Variants in REEP1 observed in about 807,000 individuals in gnomAD.
REEP1 encodes the protein receptor expression-enhancing protein 1.
REEP1 carries 22 observed loss-of-function variants against 40.3 expected under a neutral mutation model. The observed-to-expected ratio is 0.55, with a 90% CI of 0.39 to 0.78. REEP1 has a LOEUF of 0.78. Ranked by LOEUF, REEP1 falls within the 30% of genes least tolerant of loss-of-function variation. REEP1 has a pLI of 0.00. For synonymous variants in REEP1, 116 were observed against 139.2 expected, an observed-to-expected ratio of 0.83 and a Z score of 1.17; for missense variants, 280 against 361.1, an observed-to-expected ratio of 0.78 and a Z score of 1.82.
At chr2:86,293,290 C>T (rs971023768) in intron 1 of REEP1, among the ~76,000 whole-genome samples, 3 of 152,190 alleles carry the variant, frequency 2.0e-5, no homozygotes, top group Non-Finnish European at 4.4e-5. Context: ...GAAGTCACAA[C>T]ATGGCCGGGG....
At chr2:86,298,546 A>T (rs1679104165) in intron 1 of REEP1, among the ~76,000 whole-genome samples, 1 of 152,162 alleles carries the variant, frequency 6.6e-6, no homozygotes, top group African/African-American at 2.4e-5. Context: ...TCCACAGCTC[A>T]AGCATTGTTT....
chr2:86,308,039 G>C (rs1017011436), intron 1 of REEP1, among the ~76,000 whole-genome samples: 1 of 152,160 alleles, frequency 6.6e-6, no homozygotes, highest in African/African-American at 2.4e-5. Flanking sequence ...GGGGTTGTCA[G>C]GCATTCCCTA....
intron 1 of REEP1, among the ~76,000 whole-genome samples, chr2:86,336,262 C>T (rs897091938): frequency 9.2e-5 from 14 of 152,170 alleles, no homozygotes; most frequent in African/African-American, 3.1e-4. Context: ...GAGGCCTTCA[C>T]GGAATGACTT....
At chr2:86,277,586 T>C (rs1677837355) in intron 2 of REEP1, among the ~76,000 whole-genome samples, 1 of 150,546 alleles carries the variant, frequency 6.6e-6, no homozygotes, top group Admixed American at 6.6e-5. Flanking sequence ...AATGGGTCAT[T>C]ACTACAGCCC....
chr2:86,331,829 A>G (rs1680779858), intron 1 of REEP1, among the ~76,000 whole-genome samples: 1 of 152,134 alleles, frequency 6.6e-6, no homozygotes, highest in South Asian at 2.1e-4. Context: ...GAACCAACCC[A>G]TGTGCCCCAT....
chr2:86,318,565 T>C (rs998602073), intron 1 of REEP1, among the ~76,000 whole-genome samples: 2 of 151,866 alleles, frequency 1.3e-5, no homozygotes, highest in Non-Finnish European at 2.9e-5. Context: ...TCCCGGCTAA[T>C]TTTTGTATTT....
intron 6 of REEP1, among the ~76,000 whole-genome samples, chr2:86,227,846 T>G (rs1483811455): frequency 9.2e-6 from 1 of 108,410 alleles, no homozygotes; most frequent in East Asian, 3.4e-4. Context: ...GCCATTGGTC[T>G]TGGTGCACAT....
chr2:86,314,597 AAGCCAC>A lies in REEP1; in HGVS notation c.32+22876_32+22881del, dbSNP rs899575413. Among the ~76,000 whole-genome samples the A allele has an allele frequency of 1.7e-4, 26 of 151,728 alleles. No homozygotes were observed. The East Asian group carries it at 5.1e-3, about 30-fold the overall frequency. ...TACTCTCTTAGGTCTGGGCAGGTAG[AAGCCAC>A]AGGAACGGACCAGCCAATTCTGCAC... On this transcript the variant is annotated intron_variant, in intron 1 of 8. Coordinates refer to ENST00000538924, the MANE Select transcript of REEP1 (RefSeq NM_001371279.1).
intron 6 of REEP1, among the ~76,000 whole-genome samples, chr2:86,231,234 G>A (rs982357811): frequency 6.6e-6 from 1 of 151,810 alleles, no homozygotes; most frequent in East Asian, 1.9e-4. Context: ...TCCATTCCTG[G>A]GGGGGGGTCC....
chr2:86,227,033 A>G (rs1415092615), intron 7 of REEP1, among the ~76,000 whole-genome samples: 1 of 152,162 alleles, frequency 6.6e-6, no homozygotes, highest in Non-Finnish European at 1.5e-5. Context: ...GCAGCCTTGG[A>G]GAGGCCCAGC....
intron 1 of REEP1, among the ~76,000 whole-genome samples, chr2:86,317,179 A>G (rs1028923164): frequency 6.6e-6 from 1 of 152,186 alleles, no homozygotes; most frequent in Non-Finnish European, 1.5e-5. Flanking sequence ...CTCTTCAATA[A>G]ATCGGGGCAA....
intron 2 of REEP1, among the ~76,000 whole-genome samples, chr2:86,266,383 G>T (rs1185742316): frequency 1.3e-5 from 2 of 152,152 alleles, no homozygotes; most frequent in African/African-American, 4.8e-5. Context: ...ACTTTGGGAG[G>T]CCGAGGCGGG....
intron 7 of REEP1, among the ~76,000 whole-genome samples, chr2:86,220,519 T>C (rs186205483): frequency 2.0e-5 from 3 of 152,280 alleles, no homozygotes; most frequent in East Asian, 1.9e-4. Flanking sequence ...GAATCTCCTC[T>C]AGAGAGGATG....
chr2:86,214,342 A>G lies in REEP1; in HGVS notation c.*2697T>C, dbSNP rs1334591480. The G allele has an allele frequency of 6.5e-6, 1 of 152,714 alleles. No individual in the cohort carries two copies. Among genetic ancestry groups the G allele is most frequent in the Non-Finnish European group, 1.5e-5 (1 of 68,066 alleles). 9.5% of individuals were successfully genotyped at this position (152,714 alleles called of 1,614,324 possible). ...ACATGGATAGCTTATCACGGAGAAC[A>G]CATTTCAAAGGCCAGCAAAGTGAGC... On this transcript the variant is annotated 3_prime_UTR_variant, in exon 9 of 9. Transcript: ENST00000538924.
intron 1 of REEP1, among the ~76,000 whole-genome samples, chr2:86,308,524 C>G (rs764960780): frequency 6.6e-6 from 1 of 152,234 alleles, no homozygotes; most frequent in Non-Finnish European, 1.5e-5. Flanking sequence ...CACTGCACTC[C>G]AGCCTGGGCA....
chr2:86,337,778 C>A, upstream of REEP1: 1 of 805,792 alleles, frequency 1.2e-6, no homozygotes, highest in East Asian at 4.7e-5. The surrounding 1 kb of genome is among the most constrained non-coding windows in gnomAD (Gnocchi z 5.8). Context: ...CCCGCCCCGT[C>A]CCGCTCGCCC....
intron 5 of REEP1, 183 bp downstream of exon 5, chr2:86,251,774 G>A (rs1356281854): frequency 3.0e-6 from 2 of 663,840 alleles, no homozygotes; most frequent in Non-Finnish European, 5.5e-6. Flanking sequence ...CATGTGTGTT[G>A]GGGGGTGAGA....
chr2:86,297,514 A>C (rs1679042436), intron 1 of REEP1, among the ~76,000 whole-genome samples: 2 of 152,376 alleles, frequency 1.3e-5, no homozygotes, highest in Non-Finnish European at 1.5e-5. Flanking sequence ...CATAGGAGCC[A>C]TCATGGGAGT....
intron 2 of REEP1, among the ~76,000 whole-genome samples, chr2:86,271,414 C>T (rs950090299): frequency 3.3e-5 from 5 of 150,496 alleles, no homozygotes; most frequent in Admixed American, 2.0e-4. Flanking sequence ...ACATTACACA[C>T]AAGAGAATGA....
Sources: allele counts gnomAD v4.1 joint callset (sites outside exome capture counted in the v4.1 genomes callset), GRCh38; gene constraint gnomAD v4.1.1; non-coding constraint Gnocchi (gnomAD v3.1); transcripts MANE v1.5; gene names NCBI Gene and HGNC (gene_info 2026-07-23, HGNC 2026-07-21).